Variants in WDR49 observed in about 807,000 individuals in gnomAD.
WDR49 encodes cilia- and flagella-associated protein 337.
A neutral mutation model predicts 119.5 loss-of-function variants in WDR49; 107 were observed. The observed-to-expected ratio is 0.90, with a 90% confidence interval of 0.77 to 1.05. The LOEUF (loss-of-function observed/expected upper bound fraction) is 1.05. Among genes scored for constraint, WDR49 ranks in the 50% least tolerant of loss-of-function variants. The pLI, the probability that WDR49 is intolerant of heterozygous loss-of-function variation, is 0.00. For synonymous variants in WDR49, 425 were observed against 418.8 expected, an observed-to-expected ratio of 1.01 and a Z score of -0.18; for missense variants, 1,240 against 1,220.5, an observed-to-expected ratio of 1.02 and a Z score of -0.24.
At chr3:167,618,515 T>A (rs926719020) in intron 5 of WDR49, among the ~76,000 whole-genome samples, 6 of 152,216 alleles carry the variant, frequency 3.9e-5, no homozygotes, top group African/African-American at 1.4e-4. Context: ...TCTGCTTGAT[T>A]ATAATGAATT....
At chr3:167,608,401 TAAAG>T (rs1716166341) in intron 5 of WDR49, among the ~76,000 whole-genome samples, 1 of 152,234 alleles carries the variant, frequency 6.6e-6, no homozygotes, top group Non-Finnish European at 1.5e-5. Flanking sequence ...TTCCAGGTTA[TAAAG>T]AAAGACATAG....
chr3:167,571,445 T>A (rs1467557987), intron 8 of WDR49, among the ~76,000 whole-genome samples: 3 of 152,312 alleles, frequency 2.0e-5, no homozygotes, highest in African/African-American at 7.2e-5. Flanking sequence ...GCCTAGAAAC[T>A]TACTCCTAAG....
At chr3:167,562,261 CTG>C (rs1713311069) in intron 8 of WDR49, among the ~76,000 whole-genome samples, 1 of 152,074 alleles carries the variant, frequency 6.6e-6, no homozygotes, top group African/African-American at 2.4e-5. Context: ...GGAGAACAAA[CTG>C]GGGTTTTGGG....
At position 167,493,688 on chromosome 3, in the gene WDR49, T is replaced by C. The variant is rs115027252; in HGVS notation, c.3031+6465A>G. On this transcript the variant is annotated intron_variant, in intron 18 of 18. Transcript: ENST00000682715. ...TTTTCTATAATACGCATGTATCAAA[T>C]ATAAAATCAGAACAAAAATATTGAA... Among the ~76,000 whole-genome samples the C allele has an allele frequency of 5.2e-3, 785 of 152,310 alleles. 6 individuals are homozygous for C. The highest frequency in any genetic ancestry group is 0.018 in the African/African-American group (762 of 41,580).
At chr3:167,597,675 C>A (rs780352472) in intron 7 of WDR49, among the ~76,000 whole-genome samples, 11 of 152,176 alleles carry the variant, frequency 7.2e-5, no homozygotes, top group Non-Finnish European at 1.3e-4. Context: ...GGGAGCCCAC[C>A]CCTTGCTTTA....
At chr3:167,554,629 T>C in intron 10 of WDR49, 21 bp downstream of exon 10, 1 of 1,406,700 alleles carries the variant, frequency 7.1e-7, no homozygotes, top group Non-Finnish European at 9.8e-7. Context: ...TTGATTAAAA[T>C]AAAAACATTC....
At position 167,480,106 on chromosome 3, in the gene WDR49, G is replaced by A. The variant is rs143554729; in HGVS notation, c.3032-1110C>T. On this transcript the variant is annotated intron_variant, in intron 18 of 18. Transcript: ENST00000682715. ...AAATAAGCCAGGCATGGTGGCAGGC[G>A]CCTGTAATCTCAGCTACTCGGGAGG... 2.3e-3 allele frequency among the ~76,000 whole-genome samples: 351 copies of A among 151,744 alleles called. 1 individual carries two copies. Among genetic ancestry groups the A allele is most frequent in the African/African-American group, 8.1e-3 (334 of 41,406 alleles).
chr3:167,501,260 T>C (rs981209762), intron 17 of WDR49, among the ~76,000 whole-genome samples: 7 of 152,220 alleles, frequency 4.6e-5, no homozygotes, highest in Non-Finnish European at 1.0e-4. Flanking sequence ...ATCGTGCCAT[T>C]AAGACAGATG....
At position 167,604,438 on chromosome 3, in the gene WDR49, A is replaced by T. The variant is rs779330340; in HGVS notation, c.989T>A (p.Ile330Asn). Residue 330 changes from isoleucine (I) to asparagine (N), a missense_variant, in exon 6 of 19, where the codon ATT becomes AAT. Coordinates refer to ENST00000682715, the MANE Select transcript of WDR49 (RefSeq NM_001366157.1). ...VTYNASLDAI[I>N]SSTTSNTNSV... Reference sequence around the variant, plus strand: ...ATTTGTATTGCTGGTTGTACTGGAAATGATAGCGTCTAAAGATGCATTGTA... The same window carrying T: ...ATTTGTATTGCTGGTTGTACTGGAATTGATAGCGTCTAAAGATGCATTGTA... 3 of 1,612,900 alleles carry T rather than the reference A, an allele frequency of 1.9e-6. No homozygotes were observed. In the African/African-American group the frequency reaches 4.0e-5, roughly 22 times the overall value.
chr3:167,587,217 T>C (rs1214513675), intron 7 of WDR49, among the ~76,000 whole-genome samples: 3 of 152,108 alleles, frequency 2.0e-5, no homozygotes, highest in African/African-American at 7.2e-5. Flanking sequence ...AAATACAATA[T>C]ACATATACAA....
chr3:167,631,424 G>A (rs1487167427), intron 2 of WDR49, among the ~76,000 whole-genome samples: 1 of 152,024 alleles, frequency 6.6e-6, no homozygotes, highest in Non-Finnish European at 1.5e-5. Context: ...CACATTGGGA[G>A]ACTCAAATTT....
Position 167,640,526 on chromosome 3 carries a change from T to C in WDR49, c.165+12735A>G, listed in dbSNP as rs1717830476. The stretch of plus-strand genomic sequence containing the variant: ...CGTAACAAGAAGACCAAAAATCCTG[T>C]GGCTAAACATTTCAATACATTTTTT... On this transcript the variant is annotated intron_variant, in intron 2 of 18. Transcript: ENST00000682715. 2.0e-5 allele frequency among the ~76,000 whole-genome samples: 3 copies of C among 152,020 alleles called. No homozygotes were observed. The South Asian group carries it at 6.2e-4, about 31-fold the overall frequency.
intron 15 of WDR49, among the ~76,000 whole-genome samples, chr3:167,525,825 A>G (rs1752608870): frequency 6.7e-6 from 1 of 148,994 alleles, no homozygotes; most frequent in South Asian, 2.2e-4. Flanking sequence ...AAGTGATTCT[A>G]ATTTTTGTTT....
intron 9 of WDR49, among the ~76,000 whole-genome samples, chr3:167,556,501 G>A (rs114663934): frequency 4.6e-5 from 7 of 152,210 alleles, no homozygotes; most frequent in Non-Finnish European, 7.3e-5. Context: ...CTTTAAGAGA[G>A]AGCATCATTA....
intron 5 of WDR49, among the ~76,000 whole-genome samples, chr3:167,606,895 T>C (rs1471636182): frequency 2.0e-5 from 3 of 152,190 alleles, no homozygotes; most frequent in African/African-American, 7.2e-5. Flanking sequence ...ATCATAGATT[T>C]ACATGACACA....
intron 8 of WDR49, among the ~76,000 whole-genome samples, chr3:167,561,467 C>G (rs1244722133): frequency 2.6e-5 from 4 of 152,012 alleles, no homozygotes; most frequent in Non-Finnish European, 5.9e-5. Context: ...TGACCTATGA[C>G]CTGCTGGTCT....
intron 2 of WDR49, among the ~76,000 whole-genome samples, chr3:167,632,799 T>G (rs1327960832): frequency 6.6e-6 from 1 of 151,996 alleles, no homozygotes; most frequent in Non-Finnish European, 1.5e-5. Flanking sequence ...ACTATATATA[T>G]CATACACTGT....
At chr3:167,548,464 T>C (rs1352495879) in intron 10 of WDR49, among the ~76,000 whole-genome samples, 1 of 151,986 alleles carries the variant, frequency 6.6e-6, no homozygotes, top group South Asian at 2.1e-4. Flanking sequence ...ACTATATGAG[T>C]GGATTGCTGC....
At chr3:167,584,219 TATG>T (rs1383264989) in intron 7 of WDR49, among the ~76,000 whole-genome samples, 1 of 152,018 alleles carries the variant, frequency 6.6e-6, no homozygotes, top group Non-Finnish European at 1.5e-5. Flanking sequence ...AAGTCAAGAA[TATG>T]ATAAGAATGC....
Sources: gnomAD v4.1 joint callset for allele counts (sites outside exome capture counted in the v4.1 genomes callset) on GRCh38, gnomAD v4.1.1 for gene constraint, MANE v1.5 for transcripts, NCBI Gene and HGNC (gene_info 2026-07-23, HGNC 2026-07-21) for gene names.